Variants in AP2B1 observed in about 807,000 individuals in gnomAD.
AP2B1 encodes the protein AP-2 complex subunit beta.
Under a neutral mutation model 102.0 loss-of-function variants are expected in AP2B1, and 23 were observed. The ratio of observed to expected loss-of-function variants is 0.23; its 90% CI spans 0.16 to 0.32. The LOEUF (loss-of-function observed/expected upper bound fraction) is 0.32, where lower values mean the gene tolerates loss of function less well. AP2B1 is among the 10% of genes least tolerant of loss of function. The pLI is 1.00. For missense variants in AP2B1, 541 were observed against 1,157.4 expected (o/e 0.47, Z 7.73); for synonymous variants, 381 against 421.2 (o/e 0.90, Z 1.17).
chr17:35,598,744 A>T (rs1489666218), intron 3 of AP2B1, among the ~76,000 whole-genome samples: 1 of 152,234 alleles, frequency 6.6e-6, no homozygotes, highest in Non-Finnish European at 1.5e-5. Context: ...CAATTGCTGG[A>T]TTCAAGATGA....
At chr17:35,601,648 G>A (rs1274315609) in intron 3 of AP2B1, among the ~76,000 whole-genome samples, 1 of 152,162 alleles carries the variant, frequency 6.6e-6, no homozygotes, top group Admixed American at 6.5e-5. Context: ...CCAGCATTGG[G>A]CTAGATTTAA....
intron 9 of AP2B1, among the ~76,000 whole-genome samples, chr17:35,631,976 T>A (rs1035444916): frequency 6.6e-6 from 1 of 152,232 alleles, no homozygotes; most frequent in Non-Finnish European, 1.5e-5. Flanking sequence ...TTTCTTCTGC[T>A]TTCTTGATGC....
chr17:35,723,908 C>G lies in AP2B1; in HGVS notation c.*209C>G. 2 of 474,144 alleles carry G rather than the reference C, an allele frequency of 4.2e-6. No individual in the cohort carries two copies. Among genetic ancestry groups the G allele is most frequent in the Non-Finnish European group, 7.6e-6 (2 of 262,076 alleles). 29.4% of individuals were successfully genotyped at this position (474,144 alleles called of 1,614,324 possible). On this transcript the variant is annotated 3_prime_UTR_variant, in exon 22 of 22. Coordinates refer to ENST00000610402, the MANE Select transcript of AP2B1 (RefSeq NM_001030006.2). ...CATTTGTAACCACTGCTTCAGTCAC[C>G]TCCCACCTCTTGCCACCTGCTGCTG...
chr17:35,601,667 C>T (rs1280925730), intron 3 of AP2B1, among the ~76,000 whole-genome samples: 1 of 152,122 alleles, frequency 6.6e-6, no homozygotes, highest in Admixed American at 6.5e-5. Flanking sequence ...AACCCACAGG[C>T]GGTAGTTGCC....
At chr17:35,662,874 G>T (rs2075388888) in intron 14 of AP2B1, among the ~76,000 whole-genome samples, 1 of 152,124 alleles carries the variant, frequency 6.6e-6, no homozygotes, top group South Asian at 2.1e-4. Flanking sequence ...TGGAAAGGAA[G>T]AATTATCCAA....
chr17:35,686,978 A>G (rs1185196421), intron 18 of AP2B1, among the ~76,000 whole-genome samples: 3 of 152,160 alleles, frequency 2.0e-5, no homozygotes, highest in Admixed American at 6.5e-5. Context: ...CTCCGTCTCA[A>G]AAAGAAAAGA....
At chr17:35,650,134 G>A (rs1157250149) in intron 12 of AP2B1, among the ~76,000 whole-genome samples, 3 of 152,114 alleles carry the variant, frequency 2.0e-5, no homozygotes, top group Non-Finnish European at 2.9e-5. Context: ...ATTTTTAGTA[G>A]AGGTGGGGTT....
At chr17:35,643,102 T>A (rs2074830560) in intron 12 of AP2B1, among the ~76,000 whole-genome samples, 1 of 151,334 alleles carries the variant, frequency 6.6e-6, no homozygotes, top group South Asian at 2.1e-4. Context: ...TCTTTTGGCT[T>A]CCCTGGGCCA....
rs2075855405 is a variant in AP2B1 at position 35,682,930 on chromosome 17, T to C, written c.2454+106T>C. 3.5e-6 allele frequency: 4 copies of C among 1,142,084 alleles called. No individual in the cohort carries two copies. In the South Asian group the frequency reaches 6.7e-5, roughly 19 times the overall value. 70.7% of individuals were successfully genotyped at this position (1,142,084 alleles called of 1,614,324 possible). ...TCTTACTCTGTTGCCCAGGCTGGAGTGTAGTGGTGCGATCTTGGCTCACTG... is the reference window on the plus strand; with the variant it reads ...TCTTACTCTGTTGCCCAGGCTGGAGCGTAGTGGTGCGATCTTGGCTCACTG... On this transcript the variant is annotated intron_variant, in intron 18 of 21. Transcript: ENST00000610402.
chr17:35,639,872 GT>G (rs1309700073), intron 11 of AP2B1, 112 bp downstream of exon 11: 6 of 955,812 alleles, frequency 6.3e-6, no homozygotes, highest in Non-Finnish European at 9.2e-6. Context: ...CATATAGTAT[GT>G]TCATTTTTCT....
At chr17:35,707,961 C>A (rs782170284) in intron 18 of AP2B1, among the ~76,000 whole-genome samples, 1 of 151,960 alleles carries the variant, frequency 6.6e-6, no homozygotes, top group South Asian at 2.1e-4. Flanking sequence ...GGAGAGAGAA[C>A]GCAAATATTA....
At chr17:35,591,171 CAAAA>C (rs35271211) in intron 1 of AP2B1, among the ~76,000 whole-genome samples, 4 of 68,936 alleles carry the variant, frequency 5.8e-5, no homozygotes, top group Admixed American at 1.6e-4. Flanking sequence ...GATTTTGTCT[CAAAA>C]AAAAAAAAAA....
chr17:35,637,666 A>G (rs1321687597), intron 10 of AP2B1, among the ~76,000 whole-genome samples: 2 of 150,396 alleles, frequency 1.3e-5, no homozygotes, highest in Non-Finnish European at 2.9e-5. Context: ...TACTCTCCCA[A>G]TAAAGAAGAG....
At chr17:35,607,141 G>C (rs1465864923) in intron 4 of AP2B1, among the ~76,000 whole-genome samples, 1 of 152,094 alleles carries the variant, frequency 6.6e-6, no homozygotes, top group Non-Finnish European at 1.5e-5. Context: ...CTGACCTCAG[G>C]TGATCCGCCC....
intron 14 of AP2B1, chr17:35,660,020 A>T (rs988713040): frequency 1.0e-6 from 1 of 985,262 alleles, no homozygotes; most frequent in Non-Finnish European, 1.2e-6. Flanking sequence ...TCTTATGCAA[A>T]TTACCTAAAG....
chr17:35,657,880 A>G (rs1461792812), intron 14 of AP2B1, 89 bp downstream of exon 14: 1 of 1,241,630 alleles, frequency 8.1e-7, no homozygotes, highest in Non-Finnish European at 1.1e-6. Flanking sequence ...TTAGAACTAG[A>G]CCTTTCCTTG....
intron 3 of AP2B1, among the ~76,000 whole-genome samples, chr17:35,604,369 A>C (rs1361161722): frequency 6.6e-6 from 1 of 152,112 alleles, no homozygotes; most frequent in Non-Finnish European, 1.5e-5. Context: ...ATGGCCTCGC[A>C]AAGTGCTTGG....
Position 35,717,273 on chromosome 17 carries a change from A to G in AP2B1, c.2705A>G (p.Tyr902Cys). 1 of 1,614,204 alleles carries G rather than the reference A, an allele frequency of 6.2e-7. No individual in the cohort carries two copies. Among genetic ancestry groups the G allele is most frequent in the Non-Finnish European group, 8.5e-7 (1 of 1,180,016 alleles). Reference sequence around the variant, plus strand: ...AATGTGGAAGGGCAGGACATGCTGTACCAATCCCTGAAGCTCACTAATGGC... The same window carrying G: ...AATGTGGAAGGGCAGGACATGCTGTGCCAATCCCTGAAGCTCACTAATGGC... ...KRNVEGQDMLYQSLKLTNGIW... is the reference protein window; with the variant it reads ...KRNVEGQDMLCQSLKLTNGIW... Residue 902 changes from tyrosine to cysteine, a missense_variant, in exon 21 of 22, where the codon TAC (tyrosine) becomes TGC (cysteine). This residue lies in a region of AP2B1 where 117 missense variants were observed against 206.7 expected (regional missense o/e 0.57). Transcript: ENST00000610402.
chr17:35,609,838 T>G (rs1452574789), intron 5 of AP2B1, among the ~76,000 whole-genome samples: 5 of 152,346 alleles, frequency 3.3e-5, no homozygotes, highest in Non-Finnish European at 7.3e-5. Flanking sequence ...GTAAATTACC[T>G]GTTCACTTCT....
Sources: gnomAD v4.1 joint callset for allele counts (sites outside exome capture counted in the v4.1 genomes callset) on GRCh38, gnomAD v4.1.1 for gene constraint, gnomAD v4.1.1 regional missense constraint, MANE v1.5 for transcripts, NCBI Gene and HGNC (gene_info 2026-07-23, HGNC 2026-07-21) for gene names.